ITGA9: variants seen among roughly 807,000 people sequenced by gnomAD.
The protein encoded by ITGA9 is integrin subunit alpha 9.
In ITGA9, 56 loss-of-function variants were observed where a neutral mutation model predicts 127.8. That is an observed-to-expected ratio of 0.44 (90% CI 0.35 to 0.55). ITGA9 has a LOEUF of 0.55. Among genes scored for constraint, ITGA9 ranks in the 20% least tolerant of loss-of-function variants. ITGA9 has a pLI of 0.00. For synonymous variants in ITGA9, 508 were observed against 514.5 expected (o/e 0.99, Z 0.17); for missense variants, 1,196 against 1,347.1 (o/e 0.89, Z 1.76).
intron 17 of ITGA9, among the ~76,000 whole-genome samples, chr3:37,660,004 G>GCACA (rs1215246041): frequency 1.0e-5 from 1 of 98,556 alleles, no homozygotes; most frequent in Admixed American, 1.0e-4. Context: ...ACACACACAC[G>GCACA]CACACACACA....
chr3:37,606,185 A>G (rs1286104575), intron 15 of ITGA9, among the ~76,000 whole-genome samples: 2 of 152,200 alleles, frequency 1.3e-5, no homozygotes, highest in Non-Finnish European at 2.9e-5. Context: ...TAGAATTCAT[A>G]TGTTATGAGG....
intron 18 of ITGA9, among the ~76,000 whole-genome samples, chr3:37,685,305 C>T (rs1034121695): frequency 3.9e-5 from 6 of 152,194 alleles, no homozygotes; most frequent in African/African-American, 1.4e-4. Context: ...CACTCCAAAA[C>T]TTTCCAAGAA....
intron 15 of ITGA9, among the ~76,000 whole-genome samples, chr3:37,617,719 T>G (rs9874034): frequency 0.024 from 3,667 of 152,304 alleles, 126 homozygotes; most frequent in African/African-American, 0.082. Flanking sequence ...CATTTGATCT[T>G]CCTTCACTGA....
intron 15 of ITGA9, chr3:37,585,741 A>G (rs1021240322): frequency 4.2e-5 from 20 of 477,818 alleles, no homozygotes; most frequent in African/African-American, 3.4e-4. Context: ...GTGAACACTA[A>G]TATGCCTGAC....
At chr3:37,516,297 T>G (rs1698983190) in intron 9 of ITGA9, among the ~76,000 whole-genome samples, 1 of 152,116 alleles carries the variant, frequency 6.6e-6, no homozygotes, top group African/African-American at 2.4e-5. Flanking sequence ...GAAGGCAGTG[T>G]GGAGTAGTGG....
chr3:37,814,902 A>G lies in ITGA9; in HGVS notation c.3010-3989A>G. ...TTTTAAGAAATGGTCTTCAGACTCT[A>G]AAAAAAGGAAGACATACATCAGTGG... On this transcript the variant is annotated intron_variant, in intron 27 of 27. Transcript: ENST00000264741. This position sits in a 1 kb window ranked among gnomAD's most constrained non-coding sequence, Gnocchi z 4.3. 6.6e-6 allele frequency among the ~76,000 whole-genome samples: 1 copy of G among 152,156 alleles called. No homozygotes were observed. The highest frequency in any genetic ancestry group is 1.9e-4 in the East Asian group (1 of 5,180).
chr3:37,510,030 T>TTTA (rs1553643012), intron 8 of ITGA9, among the ~76,000 whole-genome samples: 144 of 151,526 alleles, frequency 9.5e-4, no homozygotes, highest in African/African-American at 3.5e-3. Flanking sequence ...ATTCCTTTTT[T>TTTA]TTTTTTTTTT....
intron 26 of ITGA9, among the ~76,000 whole-genome samples, chr3:37,801,622 GA>G (rs759455723): frequency 3.3e-5 from 5 of 152,104 alleles, no homozygotes; most frequent in East Asian, 1.9e-4. Flanking sequence ...GTGACAGAGA[GA>G]AACTCTGTCT....
At chr3:37,668,356 T>C (rs1700605381) in intron 17 of ITGA9, among the ~76,000 whole-genome samples, 1 of 152,184 alleles carries the variant, frequency 6.6e-6, no homozygotes, top group African/African-American at 2.4e-5. Flanking sequence ...GGCAGTGTTT[T>C]CCTTGGCTTC....
At chr3:37,765,953 G>A (rs1255897609) in intron 23 of ITGA9, among the ~76,000 whole-genome samples, 1 of 152,224 alleles carries the variant, frequency 6.6e-6, no homozygotes, top group African/African-American at 2.4e-5. Flanking sequence ...CGATGCGTAG[G>A]TGCCTGGTGT....
intron 18 of ITGA9, among the ~76,000 whole-genome samples, chr3:37,699,302 A>G (rs1700920879): frequency 6.6e-6 from 1 of 152,090 alleles, no homozygotes; most frequent in Non-Finnish European, 1.5e-5. Flanking sequence ...TGGCCTCTCC[A>G]CTTGCTGTCT....
intron 16 of ITGA9, among the ~76,000 whole-genome samples, chr3:37,631,500 TA>T (rs1405426614): frequency 1.8e-4 from 27 of 152,326 alleles, no homozygotes; most frequent in African/African-American, 6.5e-4. Context: ...TGCCTTCTGG[TA>T]CCCCATTGCA....
At chr3:37,773,065 C>T (rs915382170) in intron 23 of ITGA9, among the ~76,000 whole-genome samples, 6 of 152,192 alleles carry the variant, frequency 3.9e-5, no homozygotes, top group African/African-American at 7.2e-5. Flanking sequence ...TCTCCGCTGG[C>T]GTCTTGTGGC....
intron 18 of ITGA9, among the ~76,000 whole-genome samples, chr3:37,698,253 T>C (rs1417353006): frequency 6.6e-6 from 1 of 152,206 alleles, no homozygotes; most frequent in Non-Finnish European, 1.5e-5. Context: ...GTCAGATGGG[T>C]AGATTGCAAA....
intron 15 of ITGA9, among the ~76,000 whole-genome samples, chr3:37,622,828 C>G (rs1398794167): frequency 1.3e-5 from 2 of 151,296 alleles, no homozygotes; most frequent in Non-Finnish European, 2.9e-5. Flanking sequence ...GAGTGAAACT[C>G]TGTCAAAAAA....
chr3:37,600,987 A>G (rs1699917668), intron 15 of ITGA9, among the ~76,000 whole-genome samples: 1 of 152,256 alleles, frequency 6.6e-6, no homozygotes, highest in African/African-American at 2.4e-5. Context: ...AATGGCATAA[A>G]GACATTGAAG....
intron 18 of ITGA9, among the ~76,000 whole-genome samples, chr3:37,696,716 C>G (rs1700888586): frequency 6.6e-6 from 1 of 152,178 alleles, no homozygotes; most frequent in Non-Finnish European, 1.5e-5. Flanking sequence ...CGAGTCTAAA[C>G]ATGATATTTC....
At chr3:37,628,152 C>A (rs995481836) in intron 15 of ITGA9, among the ~76,000 whole-genome samples, 9 of 152,280 alleles carry the variant, frequency 5.9e-5, no homozygotes, top group Admixed American at 4.6e-4. Flanking sequence ...TCTTCTCATT[C>A]TTCCCTGCTG....
intron 8 of ITGA9, among the ~76,000 whole-genome samples, chr3:37,511,374 A>G (rs2125574929): frequency 6.6e-6 from 1 of 152,330 alleles, no homozygotes; most frequent in Non-Finnish European, 1.5e-5. Context: ...TGTCATTGCC[A>G]TATTGAAGTT....
Sources: allele counts gnomAD v4.1 joint callset (sites outside exome capture counted in the v4.1 genomes callset), GRCh38; gene constraint gnomAD v4.1.1; non-coding constraint Gnocchi (gnomAD v3.1); transcripts MANE v1.5; gene names NCBI Gene and HGNC (gene_info 2026-07-23, HGNC 2026-07-21).